SMG6: variants seen among roughly 807,000 people sequenced by gnomAD.
SMG6 encodes SMG6 nonsense mediated mRNA decay factor, also known as telomerase-binding protein EST1A.
SMG6 carries 66 observed loss-of-function variants against 142.2 expected under a neutral mutation model. The observed-to-expected ratio is 0.46, with a 90% CI of 0.38 to 0.57. SMG6 has a LOEUF of 0.57. SMG6 is among the 20% of genes least tolerant of loss of function. The pLI, the probability that SMG6 is intolerant of heterozygous loss-of-function variation, is 0.00. For missense variants in SMG6, 1,793 were observed against 1,832.0 expected, an observed-to-expected ratio of 0.98 and a Z score of 0.39; for synonymous variants, 779 against 702.4, an observed-to-expected ratio of 1.11 and a Z score of -1.72.
chr17:2,110,954 G>A (rs2069297763), intron 13 of SMG6, among the ~76,000 whole-genome samples: 3 of 152,124 alleles, frequency 2.0e-5, no homozygotes, highest in Admixed American at 6.6e-5. Context: ...AGAGCTGCCT[G>A]GTACATCTGA....
intron 10 of SMG6, among the ~76,000 whole-genome samples, chr17:2,234,925 G>A (rs1458160648): frequency 6.6e-6 from 1 of 152,154 alleles, no homozygotes; most frequent in Non-Finnish European, 1.5e-5. Context: ...AGAAGCCACA[G>A]GTCATTTGGT....
intron 13 of SMG6, among the ~76,000 whole-genome samples, chr17:2,109,750 A>G (rs1021494668): frequency 6.6e-6 from 1 of 152,116 alleles, no homozygotes; most frequent in African/African-American, 2.4e-5. Flanking sequence ...AAATTTCTGG[A>G]CCAGCCTATA....
chr17:2,270,320 T>G (rs1440397219), intron 8 of SMG6, among the ~76,000 whole-genome samples: 5 of 152,190 alleles, frequency 3.3e-5, no homozygotes, highest in Non-Finnish European at 7.3e-5. Flanking sequence ...TGAAAATAGT[T>G]CTTTAGAGTC....
intron 12 of SMG6, among the ~76,000 whole-genome samples, chr17:2,184,086 A>G (rs904778466): frequency 2.6e-5 from 4 of 152,182 alleles, no homozygotes; most frequent in Non-Finnish European, 5.9e-5. Flanking sequence ...CACTGGTCTG[A>G]TGTGGTGGCT....
intron 12 of SMG6, among the ~76,000 whole-genome samples, chr17:2,181,701 G>A (rs537474800): frequency 6.6e-6 from 1 of 152,370 alleles, no homozygotes; most frequent in East Asian, 1.9e-4. Context: ...CCCAGAATGT[G>A]AAGCCCAGCC....
At chr17:2,185,974 C>T (rs1168066064) in intron 12 of SMG6, among the ~76,000 whole-genome samples, 1 of 152,024 alleles carries the variant, frequency 6.6e-6, no homozygotes, top group Non-Finnish European at 1.5e-5. Flanking sequence ...GCCTGTCATC[C>T]CAGCACTTTG....
At chr17:2,249,899 G>C (rs1426545015) in intron 8 of SMG6, among the ~76,000 whole-genome samples, 2 of 152,124 alleles carry the variant, frequency 1.3e-5, no homozygotes, top group African/African-American at 4.8e-5. Context: ...GGATGGGTAG[G>C]TCTCTGGACA....
intron 6 of SMG6, among the ~76,000 whole-genome samples, chr17:2,286,504 A>G (rs943013486): frequency 1.5e-4 from 23 of 152,190 alleles, no homozygotes; most frequent in Admixed American, 1.0e-3. Flanking sequence ...CAATGAAGAA[A>G]GAGCAGTCTC....
chr17:2,251,912 A>C (rs1310157407), intron 8 of SMG6, among the ~76,000 whole-genome samples: 1 of 150,044 alleles, frequency 6.7e-6, no homozygotes, highest in Non-Finnish European at 1.5e-5. Context: ...GACCAGCCTG[A>C]CCAACATGGA....
At chr17:2,189,435 C>T (rs2072092876) in intron 10 of SMG6, among the ~76,000 whole-genome samples, 1 of 152,198 alleles carries the variant, frequency 6.6e-6, no homozygotes, top group Non-Finnish European at 1.5e-5. Context: ...CAGTCCACCA[C>T]ACAGCCTCCG....
At chr17:2,123,961 T>C (rs1170868768) in intron 13 of SMG6, among the ~76,000 whole-genome samples, 1 of 152,272 alleles carries the variant, frequency 6.6e-6, no homozygotes, top group East Asian at 1.9e-4. Flanking sequence ...CTATGTGCTT[T>C]ACACTGAGAG....
chr17:2,157,096 C>T (rs191913631), intron 13 of SMG6, among the ~76,000 whole-genome samples: 176 of 152,302 alleles, frequency 1.2e-3, no homozygotes, highest in African/African-American at 4.0e-3. Context: ...TCCCAAAGTC[C>T]GTATGTGGGC....
intron 10 of SMG6, among the ~76,000 whole-genome samples, chr17:2,208,153 G>C (rs1303120051): frequency 6.6e-6 from 1 of 151,826 alleles, no homozygotes; most frequent in African/African-American, 2.4e-5. Context: ...ATAAATAAAG[G>C]GTCCCACATC....
chr17:2,297,877 C>T lies in SMG6; in HGVS notation c.2026G>A (p.Glu676Lys). 6.2e-7 allele frequency: 1 copy of T among 1,610,940 alleles called. No individual in the cohort carries two copies. Among genetic ancestry groups the T allele is most frequent in the Non-Finnish European group, 8.5e-7 (1 of 1,179,976 alleles). The change falls in exon 3 of 19, where the codon GAG becomes AAG. Residue 676 changes from glutamate to lysine, a missense_variant. By Grantham distance (56) the Glu-to-Lys change is moderately conservative. Transcript: ENST00000263073. ...NPEQIRNRLL[E>K]LLDEGSDFFD... ...TGACAGTTTACCTCATCCAAGAGCT[C>T]CAAAAGTCTGTTCCGAATCTGTTCT...
chr17:2,140,580 G>C (rs532208775), intron 13 of SMG6, among the ~76,000 whole-genome samples: 1 of 151,428 alleles, frequency 6.6e-6, no homozygotes, highest in East Asian at 1.9e-4. Flanking sequence ...GCTGAGGCAG[G>C]AGAATCGCTT....
chr17:2,145,118 T>A (rs2070622888), intron 13 of SMG6, among the ~76,000 whole-genome samples: 1 of 152,148 alleles, frequency 6.6e-6, no homozygotes, highest in Admixed American at 6.5e-5. Context: ...ATTTATATTT[T>A]TATTTTTTTG....
Position 2,297,305 on chromosome 17 carries a change from T to C in SMG6, c.2089A>G (p.Lys697Glu). The C allele has an allele frequency of 6.2e-7, 1 of 1,613,672 alleles. No individual in the cohort carries two copies. The highest frequency in any genetic ancestry group is 8.5e-7 in the Non-Finnish European group (1 of 1,179,840). Reference protein sequence around the residue: ...SLLQKLQVTYKFKLEDYMDGL... With the variant: ...SLLQKLQVTYEFKLEDYMDGL... ...TCCATGTAGTCTTCCAGTTTGAACTTGTAAGTAACCTGCAGCTTCTGAAGC... is the reference window on the plus strand; with the variant it reads ...TCCATGTAGTCTTCCAGTTTGAACTCGTAAGTAACCTGCAGCTTCTGAAGC... Residue 697 changes from lysine to glutamate, a missense_variant, in exon 4 of 19, where the codon AAG becomes GAG. By Grantham distance (56) the Lys-to-Glu change is moderately conservative. This residue lies in a region of SMG6 where 1,597 missense variants were observed against 1,584.6 expected (regional missense o/e 1.01). Transcript: ENST00000263073.
intron 10 of SMG6, among the ~76,000 whole-genome samples, chr17:2,234,769 C>T (rs1478337547): frequency 1.3e-5 from 2 of 151,644 alleles, no homozygotes; most frequent in Non-Finnish European, 2.9e-5. Flanking sequence ...GTATAGTTTG[C>T]AATCTCGGCT....
At chr17:2,143,869 T>C (rs1198604307) in intron 13 of SMG6, among the ~76,000 whole-genome samples, 1 of 152,166 alleles carries the variant, frequency 6.6e-6, no homozygotes, top group Non-Finnish European at 1.5e-5. Context: ...TCTCCACAAC[T>C]GTACTGGGGT....
Sources: allele counts gnomAD v4.1 joint callset (sites outside exome capture counted in the v4.1 genomes callset), GRCh38; gene constraint gnomAD v4.1.1; regional missense constraint gnomAD v4.1.1; transcripts MANE v1.5; gene names NCBI Gene and HGNC (gene_info 2026-07-23, HGNC 2026-07-21).